The following FCHO2 variants were observed in gnomAD, a reference collection of about 807,000 sequenced individuals.
FCHO2 encodes the protein F-BAR domain only protein 2.
In FCHO2, 43 loss-of-function variants were observed where a neutral mutation model predicts 114.1. That is an observed-to-expected ratio of 0.38 (90% CI 0.30 to 0.49). FCHO2 has a LOEUF of 0.49. Ranked by LOEUF, FCHO2 falls within the 20% of genes least tolerant of loss-of-function variation. The pLI is 0.97. For synonymous variants in FCHO2, 293 were observed against 315.2 expected, an observed-to-expected ratio of 0.93 and a Z score of 0.75; for missense variants, 807 against 950.4, an observed-to-expected ratio of 0.85 and a Z score of 1.98.
At chr5:72,974,531 C>T (rs951344430) in intron 2 of FCHO2, among the ~76,000 whole-genome samples, 4 of 151,206 alleles carry the variant, frequency 2.6e-5, no homozygotes, top group African/African-American at 9.8e-5. Context: ...GCAACCCCTG[C>T]CTTTTTTTGT....
chr5:73,000,322 T>G (rs1754365201), intron 5 of FCHO2, among the ~76,000 whole-genome samples: 1 of 151,084 alleles, frequency 6.6e-6, no homozygotes, highest in Admixed American at 6.6e-5. Flanking sequence ...AAATACAAAA[T>G]TAGCCGAGTA....
chr5:73,085,273 C>T (rs12153061), intron 24 of FCHO2, among the ~76,000 whole-genome samples: 45,262 of 151,680 alleles, frequency 0.3, 6,968 homozygotes, highest in East Asian at 0.44. Flanking sequence ...TGTTTGAACA[C>T]GGGAGGTGGA....
chr5:73,015,160 T>C (rs1415697547), intron 6 of FCHO2, among the ~76,000 whole-genome samples: 1 of 152,124 alleles, frequency 6.6e-6, no homozygotes, highest in Non-Finnish European at 1.5e-5. Context: ...GTTAACTTTT[T>C]GCAGTGCCAT....
intron 18 of FCHO2, among the ~76,000 whole-genome samples, chr5:73,064,881 C>A (rs985810506): frequency 6.6e-6 from 1 of 152,050 alleles, no homozygotes; most frequent in Non-Finnish European, 1.5e-5. Flanking sequence ...CTAGGCAAAA[C>A]CCTCTTTGAT....
chr5:73,026,713 C>T (rs1306082759), intron 8 of FCHO2, among the ~76,000 whole-genome samples: 2 of 151,870 alleles, frequency 1.3e-5, no homozygotes, highest in African/African-American at 2.4e-5. Flanking sequence ...TTTTTTGAGA[C>T]AGAGTCTCAT....
rs573512302 is a variant in FCHO2 at position 72,967,964 on chromosome 5, A to C, written c.34-534A>C. On this transcript the variant is annotated intron_variant, in intron 1 of 25. Coordinates refer to ENST00000430046, the MANE Select transcript of FCHO2 (RefSeq NM_138782.3). Reference sequence around the variant, plus strand: ...TTTTGAGATGGAGTCTTGCTCTGTCACCCAGGCTGGGGCGCAGTGGCACAA... The same window carrying C: ...TTTTGAGATGGAGTCTTGCTCTGTCCCCCAGGCTGGGGCGCAGTGGCACAA... 7.8e-4 allele frequency among the ~76,000 whole-genome samples: 108 copies of C among 139,270 alleles called. 1 individual carries two copies. In the South Asian group the frequency reaches 0.019, roughly 25 times the overall value. The allele number at this position is 139,270 out of a possible 152,430, so 91.4% of individuals were successfully genotyped here.
intron 6 of FCHO2, among the ~76,000 whole-genome samples, chr5:73,011,125 T>TA (rs759783519): frequency 7.2e-5 from 11 of 152,120 alleles, no homozygotes; most frequent in Admixed American, 2.0e-4. Flanking sequence ...GTAGAACACT[T>TA]ATGTTGAATG....
intron 1 of FCHO2, among the ~76,000 whole-genome samples, chr5:72,960,890 T>C (rs1751822208): frequency 6.6e-6 from 1 of 152,184 alleles, no homozygotes; most frequent in African/African-American, 2.4e-5. Context: ...TTCTTTAGTA[T>C]ATATCACATT....
At chr5:73,017,012 G>A (rs1020071501) in intron 7 of FCHO2, among the ~76,000 whole-genome samples, 200 bp from the exon 8 acceptor site, 1 of 152,184 alleles carries the variant, frequency 6.6e-6, no homozygotes, top group African/African-American at 2.4e-5. Context: ...GAGGCTATGT[G>A]TTAAGGGGTT....
At chr5:73,035,216 G>A (rs991991506) in intron 9 of FCHO2, among the ~76,000 whole-genome samples, 2 of 151,992 alleles carry the variant, frequency 1.3e-5, no homozygotes, top group African/African-American at 4.8e-5. Context: ...CCAGGAGTTC[G>A]AGACCAGCCT....
chr5:72,997,049 A>G (rs1223758435), intron 5 of FCHO2: 2 of 1,331,198 alleles, frequency 1.5e-6, no homozygotes, highest in African/African-American at 2.9e-5. Flanking sequence ...TCGATATGAT[A>G]TCATCCCCTT....
chr5:73,062,119 G>A (rs1250580849), intron 17 of FCHO2, among the ~76,000 whole-genome samples: 1 of 151,958 alleles, frequency 6.6e-6, no homozygotes, highest in Non-Finnish European at 1.5e-5. Context: ...ATAGAAATTT[G>A]TAGCACTGAT....
intron 8 of FCHO2, among the ~76,000 whole-genome samples, chr5:73,033,211 A>G (rs1455349905): frequency 6.6e-6 from 1 of 151,848 alleles, no homozygotes. Flanking sequence ...AGTGATAAAC[A>G]TTTTTTTTAG....
chr5:73,085,743 C>T (rs1215694482), intron 24 of FCHO2, among the ~76,000 whole-genome samples: 2 of 151,176 alleles, frequency 1.3e-5, no homozygotes, highest in African/African-American at 4.9e-5. Flanking sequence ...CCACTGTATT[C>T]CAGCTTGGGC....
chr5:72,961,599 C>CTT (rs1336799583), intron 1 of FCHO2, among the ~76,000 whole-genome samples: 1 of 145,490 alleles, frequency 6.9e-6, no homozygotes. Context: ...CAATTTCTTT[C>CTT]TTTTTTTTTT....
chr5:73,042,406 A>C (rs963071839), intron 11 of FCHO2, among the ~76,000 whole-genome samples: 1 of 152,144 alleles, frequency 6.6e-6, no homozygotes, highest in Admixed American at 6.5e-5. Context: ...TAAATTGATG[A>C]TGTAAAATTA....
At chr5:73,008,004 G>A (rs1439842547) in intron 6 of FCHO2, among the ~76,000 whole-genome samples, 1 of 152,064 alleles carries the variant, frequency 6.6e-6, no homozygotes. Context: ...GGGTATAAAA[G>A]AACTTACATT....
At position 73,006,617 on chromosome 5, in the gene FCHO2, C is replaced by G; in HGVS notation, c.600+68C>G. On this transcript the variant is annotated intron_variant, in intron 6 of 25. Transcript: ENST00000430046. ...TTTGTGTATATTGATTAATTTTTCT[C>G]TCATATAATTTTTTAGTGTTGGAAG... 6.5e-6 allele frequency: 7 copies of G among 1,083,952 alleles called. No homozygotes were observed. The South Asian group carries it at 1.5e-4, about 24-fold the overall frequency. 67.1% of individuals were successfully genotyped at this position (1,083,952 alleles called of 1,614,324 possible).
intron 5 of FCHO2, among the ~76,000 whole-genome samples, chr5:72,993,567 T>C (rs2112676451): frequency 1.3e-5 from 2 of 152,190 alleles, no homozygotes; most frequent in Non-Finnish European, 2.9e-5. Context: ...AGAAAATGGG[T>C]ATTTTTTTTT....
Sources: allele counts gnomAD v4.1 joint callset (sites outside exome capture counted in the v4.1 genomes callset), GRCh38; gene constraint gnomAD v4.1.1; transcripts MANE v1.5; gene names NCBI Gene and HGNC (gene_info 2026-07-23, HGNC 2026-07-21).